The following PQBP1 variants were observed in gnomAD, a reference collection of about 807,000 sequenced individuals.
PQBP1 encodes polyglutamine binding protein 1.
A neutral mutation model predicts 20.9 loss-of-function variants in PQBP1; 3 were observed. The ratio of observed to expected loss-of-function variants is 0.14; its 90% CI spans 0.07 to 0.37. The LOEUF is 0.37. Among genes scored for constraint, PQBP1 ranks in the 10% least tolerant of loss-of-function variants. The probability of loss-of-function intolerance (pLI) is 1.00; values close to 1 mark genes in which losing one functional copy is unlikely to be tolerated. For missense variants in PQBP1, 162 were observed against 240.3 expected (o/e 0.67, Z 2.16); for synonymous variants, 83 against 93.8 (o/e 0.88, Z 0.67).
rs201489630 is a variant in PQBP1 at position 48,902,337 on chromosome X, C to T, written c.397C>T (p.Arg133Trp). The change falls in exon 5 of 7, where the codon CGG becomes TGG. Residue 133 changes from arginine to tryptophan, a missense_variant. Coordinates refer to ENST00000447146, the MANE Select transcript of PQBP1 (RefSeq NM_001032382.2). Reference sequence around the variant, plus strand: ...AGACAGGGGCCACGACAAGTCAGACCGGGGCCACGACAAGTCTGACAGGGA... The same window carrying T: ...AGACAGGGGCCACGACAAGTCAGACTGGGGCCACGACAAGTCTGACAGGGA... ...KLDRGHDKSD[R>W]GHDKSDRDRE... The T allele has an allele frequency of 2.1e-5, 25 of 1,208,476 alleles. No individual in the cohort carries two copies. The highest frequency in any genetic ancestry group is 2.0e-4 in the Admixed American group (9 of 45,589).
chrX:48,898,151 G>T (rs1306596660), intron 1 of PQBP1, 69 bp downstream of exon 1: 2 of 1,024,959 alleles, frequency 2.0e-6, no homozygotes, highest in Non-Finnish European at 2.5e-6. Context: ...CCATCCCAGC[G>T]CTTTGGTTTC....
chrX:48,901,061 C>T (rs1191420226), intron 2 of PQBP1, 129 bp from the exon 3 acceptor site: 23 of 1,068,881 alleles, frequency 2.2e-5, no homozygotes, highest in South Asian at 4.0e-5. Context: ...ATATTCTTCC[C>T]GGCACACACA....
In PQBP1 at chrX:48,900,284, C is replaced by CT. The variant is rs1162086780; in HGVS notation, c.68-877dup. Among the ~76,000 whole-genome samples, 158 of 32,483 alleles carry CT rather than the reference C, an allele frequency of 4.9e-3. 13 individuals carry two copies. Among genetic ancestry groups the CT allele is most frequent in the East Asian group, 0.012 (8 of 683 alleles). 28.2% of individuals were successfully genotyped at this position (32,483 alleles called of 115,157 possible). On this transcript the variant is annotated intron_variant, in intron 2 of 6. Coordinates refer to ENST00000447146, the MANE Select transcript of PQBP1 (RefSeq NM_001032382.2). ...AAAACTGGCAATGATCATTGATTTA[C>CT]TTTTTTTTTTTTTTTTTTTTTTTTT...
intron 1 of PQBP1, 78 bp from the exon 2 acceptor site, chrX:48,898,414 T>C: frequency 1.1e-6 from 1 of 933,807 alleles, no homozygotes; most frequent in Non-Finnish European, 1.5e-6. Flanking sequence ...AGTACATGTT[T>C]ACGGGAGGCG....
intron 4 of PQBP1, 81 bp downstream of exon 4, chrX:48,902,123 AG>A: frequency 1.7e-6 from 2 of 1,209,069 alleles, no homozygotes; most frequent in Non-Finnish European, 2.2e-6. Context: ...AGTGGATCAG[AG>A]GGGCAGGTGA....
chrX:48,899,344 C>A (rs1372200216), intron 2 of PQBP1, among the ~76,000 whole-genome samples: 2 of 111,957 alleles, frequency 1.8e-5, no homozygotes, highest in East Asian at 5.6e-4. Flanking sequence ...ATTCCCAGCA[C>A]TTTAGGAGGC....
At position 48,901,555 on chromosome X, in the gene PQBP1, G is replaced by C. The variant is rs782309095; in HGVS notation, c.179+254G>C. 4.8e-6 allele frequency: 3 copies of C among 625,544 alleles called. No homozygotes were observed. In the South Asian group the frequency reaches 7.3e-5, roughly 15 times the overall value. The allele number at this position is 625,544 out of a possible 1,213,427, so 51.6% of individuals were successfully genotyped here. ...GTGCAATGGTGTGATCTCGGCTTAT[G>C]GCAACCTCCGCCTCGTGGGTTCAAG... On this transcript the variant is annotated intron_variant, in intron 3 of 6. Coordinates refer to ENST00000447146, the MANE Select transcript of PQBP1 (RefSeq NM_001032382.2).
In PQBP1 at chrX:48,901,924, C is replaced by T; in HGVS notation, c.180-6C>T. 1 of 1,211,462 alleles carries T rather than the reference C, an allele frequency of 8.3e-7. No individual in the cohort carries two copies. The highest frequency in any genetic ancestry group is 1.1e-6 in the Non-Finnish European group (1 of 895,411). On this transcript the variant is annotated splice_region_variant and splice_polypyrimidine_tract_variant and intron_variant, in intron 3 of 6. Transcript: ENST00000447146. ...GTGCTGACACTTCTTTCCTGCGGCCCCACAGCGGGCTCCCTTACTACTGGA... is the reference window on the plus strand; with the variant it reads ...GTGCTGACACTTCTTTCCTGCGGCCTCACAGCGGGCTCCCTTACTACTGGA...
chrX:48,901,097 G>A, intron 2 of PQBP1, 93 bp from the exon 3 acceptor site: 1 of 1,157,049 alleles, frequency 8.6e-7, no homozygotes, highest in Non-Finnish European at 1.2e-6. Context: ...TGTGTGGCTT[G>A]TGTGAATGTG....
intron 2 of PQBP1, among the ~76,000 whole-genome samples, chrX:48,900,452 C>CCTGGCTAATTTTTG (rs1372516140): frequency 2.8e-5 from 3 of 105,673 alleles, no homozygotes; most frequent in African/African-American, 1.0e-4. Flanking sequence ...CTCCACTGTG[C>CCTGGCTAATTTTTG]CTGGCTAATT....
At chrX:48,902,683 A>G in intron 5 of PQBP1, 49 bp from the exon 6 acceptor site, 1 of 1,172,236 alleles carries the variant, frequency 8.5e-7, no homozygotes, top group Non-Finnish European at 1.1e-6. Flanking sequence ...CTCAGTGATC[A>G]GGGGATCCTG....
At chrX:48,901,853 CAGAGACTGGGG>C in intron 3 of PQBP1, 66 bp from the exon 4 acceptor site, 1 of 1,192,922 alleles carries the variant, frequency 8.4e-7, no homozygotes, top group Non-Finnish European at 1.1e-6. Flanking sequence ...CAGGTATAGG[CAGAGACTGGGG>C]AGACAAGAGT....
intron 2 of PQBP1, among the ~76,000 whole-genome samples, chrX:48,900,826 C>T (rs1474935857): frequency 3.6e-5 from 4 of 110,335 alleles, no homozygotes; most frequent in African/African-American, 1.3e-4. Flanking sequence ...CTCCTGACCT[C>T]GTGATCCACC....
In PQBP1 at chrX:48,901,417, G is replaced by A; in HGVS notation, c.179+116G>A. The A allele has an allele frequency of 3.5e-6, 4 of 1,146,458 alleles. No individual in the cohort carries two copies. The South Asian group carries it at 5.8e-5, about 17-fold the overall frequency. The allele number at this position is 1,146,458 out of a possible 1,213,427, so 94.5% of individuals were successfully genotyped here. A position where few individuals can be genotyped will look rare whatever the true frequency, so the allele number is the denominator to read the frequency against. On this transcript the variant is annotated intron_variant, in intron 3 of 6. Transcript: ENST00000447146. Reference sequence around the variant, plus strand: ...CCTCGGGTGGAGGGTGTTGGCATTAGGTATCTGCAGGACTCAAGTTGCTGC... The same window carrying A: ...CCTCGGGTGGAGGGTGTTGGCATTAAGTATCTGCAGGACTCAAGTTGCTGC...
chrX:48,901,059 C>T (rs1372750235), intron 2 of PQBP1, 131 bp from the exon 3 acceptor site: 7 of 1,070,339 alleles, frequency 6.5e-6, no homozygotes, highest in Non-Finnish European at 8.8e-6. Context: ...TCATATTCTT[C>T]CCGGCACACA....
At chrX:48,900,495 A>G (rs1440881424) in intron 2 of PQBP1, among the ~76,000 whole-genome samples, 1 of 104,759 alleles carries the variant, frequency 9.5e-6, no homozygotes, top group Non-Finnish European at 2.0e-5. Flanking sequence ...GGGTTTCACC[A>G]TGTTGGCCAG....
intron 2 of PQBP1, among the ~76,000 whole-genome samples, chrX:48,899,138 C>T (rs1367334563): frequency 1.8e-5 from 2 of 110,163 alleles, no homozygotes; most frequent in Admixed American, 9.7e-5. Flanking sequence ...ATACCACACC[C>T]GGCTGATTTT....
rs942483392 is a variant in PQBP1, at chrX:48,902,370, C to T, written c.430C>T (p.Arg144Cys). The T allele has an allele frequency of 1.7e-6, 2 of 1,209,904 alleles. No individual in the cohort carries two copies. The highest frequency in any genetic ancestry group is 2.3e-4 in the Middle Eastern group (1 of 4,353). Reference sequence around the variant, plus strand: ...CGACAAGTCTGACAGGGATCGAGAGCGTGGCTATGACAAGGTAGACAGAGA... The same window carrying T: ...CGACAAGTCTGACAGGGATCGAGAGTGTGGCTATGACAAGGTAGACAGAGA... ...GHDKSDRDRE[R>C]GYDKVDRERE... The change falls in exon 5 of 7, where the codon CGT (arginine) becomes TGT (cysteine). Residue 144 changes from arginine (R) to cysteine (C), a missense_variant. Coordinates refer to ENST00000447146, the MANE Select transcript of PQBP1 (RefSeq NM_001032382.2).
intron 2 of PQBP1, among the ~76,000 whole-genome samples, chrX:48,900,527 A>T (rs1410315196): frequency 1.4e-4 from 15 of 104,931 alleles, no homozygotes; most frequent in Non-Finnish European, 2.9e-4. Context: ...TTTTAAGCCT[A>T]TTGAATGACC....
Sources: gnomAD v4.1 joint callset for allele counts (sites outside exome capture counted in the v4.1 genomes callset) on GRCh38, gnomAD v4.1.1 for gene constraint, MANE v1.5 for transcripts, NCBI Gene and HGNC (gene_info 2026-07-23, HGNC 2026-07-21) for gene names.